The following ECE2 variants were observed in gnomAD, a reference collection of about 807,000 sequenced individuals.
ECE2 encodes endothelin converting enzyme 2, also known as endothelin-converting enzyme 2.
Under a neutral mutation model 100.6 loss-of-function variants are expected in ECE2, and 81 were observed. That is an observed-to-expected ratio of 0.81 (90% CI 0.67 to 0.97). The LOEUF is 0.97. Among genes scored for constraint, ECE2 ranks in the 50% least tolerant of loss-of-function variants. The pLI is 0.00. For missense variants in ECE2, 911 were observed against 988.1 expected (o/e 0.92, Z 1.05); for synonymous variants, 391 against 391.5 (o/e 1.00, Z 0.02).
At position 184,287,894 on chromosome 3, in the gene ECE2, G is replaced by T. The variant is rs1303454225; in HGVS notation, c.1321G>T (p.Ala441Ser). The T allele has an allele frequency of 6.2e-7, 1 of 1,614,214 alleles. No homozygotes were observed. The highest frequency in any genetic ancestry group is 1.7e-5 in the Admixed American group (1 of 60,022). The change falls in exon 11 of 19, where the codon GCT becomes TCT. Residue 441 changes from alanine (A) to serine (S), a missense_variant. By Grantham distance (99) the Ala-to-Ser change is moderately conservative (BLOSUM62 1). Transcript: ENST00000404464. ...ISNTDDALGF[A>S]LGSLFVKATF... Reference sequence around the variant, plus strand: ...CAACACGGATGACGCCCTTGGCTTTGCTTTGGGGTCCCTCTTCGTGAAGGC... The same window carrying T: ...CAACACGGATGACGCCCTTGGCTTTTCTTTGGGGTCCCTCTTCGTGAAGGC...
chr3:184,288,082 G>A (rs377303076), intron 11 of ECE2, 135 bp downstream of exon 11: 9 of 710,736 alleles, frequency 1.3e-5, no homozygotes, highest in Admixed American at 2.4e-5. Flanking sequence ...AGGCCAAGGC[G>A]GGTGAATCAT....
intron 8 of ECE2, among the ~76,000 whole-genome samples, chr3:184,284,226 A>G (rs958792835): frequency 2.6e-5 from 4 of 152,144 alleles, no homozygotes; most frequent in Non-Finnish European, 5.9e-5. Context: ...AATGTGTAAC[A>G]GTTTGTATGA....
rs1435411727 is a variant in ECE2, at chr3:184,289,787, T to C, written c.1551+69T>C. Reference sequence around the variant, plus strand: ...GGGCACTGTTCCCTGGGCTTAGAAATTGGGGCTCAAGCACTGGGAAAGAGG... The same window carrying C: ...GGGCACTGTTCCCTGGGCTTAGAAACTGGGGCTCAAGCACTGGGAAAGAGG... On this transcript the variant is annotated intron_variant, in intron 13 of 18. Coordinates refer to ENST00000404464, the MANE Select transcript of ECE2 (RefSeq NM_001100121.2). The surrounding 1 kb of genome is among the most constrained non-coding windows in gnomAD (Gnocchi z 4.1). The C allele has an allele frequency of 2.1e-6, 3 of 1,400,046 alleles. No individual in the cohort carries two copies. Among genetic ancestry groups the C allele is most frequent in the Non-Finnish European group, 2.9e-6 (3 of 1,028,484 alleles). The allele number at this position is 1,400,046 out of a possible 1,614,324, so 86.7% of individuals were successfully genotyped here.
intron 15 of ECE2, 59 bp from the exon 16 acceptor site, chr3:184,290,734 G>A: frequency 1.2e-6 from 2 of 1,612,582 alleles, no homozygotes; most frequent in East Asian, 4.5e-5. Context: ...GAGCAGGGCT[G>A]GAGGTGGGAT....
chr3:184,281,009 G>T (rs571422893), intron 7 of ECE2, among the ~76,000 whole-genome samples: 2 of 151,804 alleles, frequency 1.3e-5, no homozygotes, highest in African/African-American at 4.8e-5. Flanking sequence ...AAAGGAAAAA[G>T]AAACCTAAAC....
chr3:184,290,234 T>C, intron 13 of ECE2, 21 bp from the exon 14 acceptor site: 6 of 1,595,724 alleles, frequency 3.8e-6, no homozygotes, highest in Non-Finnish European at 5.1e-6. Context: ...GCTCTCTTTC[T>C]ACTTCCCACC....
chr3:184,288,487 G>C (rs1365932110), intron 11 of ECE2, among the ~76,000 whole-genome samples: 5 of 152,062 alleles, frequency 3.3e-5, no homozygotes, highest in South Asian at 4.1e-4. Context: ...TATGATAATG[G>C]ATGTGCTTAA....
At chr3:184,277,135 C>T (rs1011282268) in intron 3 of ECE2, 108 bp downstream of exon 3, 53 of 1,599,136 alleles carry the variant, frequency 3.3e-5, no homozygotes, top group Middle Eastern at 1.6e-4. Context: ...GCAGAAAAGC[C>T]CCCGGCTTTG....
In ECE2 at chr3:184,292,558, G is replaced by A. The variant is rs1047691529; in HGVS notation, c.*320G>A. 4 of 385,118 alleles carry A rather than the reference G, an allele frequency of 1.0e-5. No individual in the cohort carries two copies. Among genetic ancestry groups the A allele is most frequent in the African/African-American group, 8.1e-5 (4 of 49,480 alleles). 23.9% of individuals were successfully genotyped at this position (385,118 alleles called of 1,614,324 possible). On this transcript the variant is annotated 3_prime_UTR_variant, in exon 19 of 19. Transcript: ENST00000404464. ...TTCTGTCCCCAGGCTCACTCAGCCT[G>A]GCGGCCATGGGGCCTGCCGTGCCTG... is the stretch of plus-strand genomic sequence containing the variant.
Position 184,291,521 on chromosome 3 carries a change from C to T in ECE2, c.2121+82C>T, listed in dbSNP as rs776314341. On this transcript the variant is annotated intron_variant, in intron 18 of 18. Transcript: ENST00000404464. This position sits in a 1 kb window ranked among gnomAD's most constrained non-coding sequence, Gnocchi z 4.1. ...ATGTCATTAGGAGAACTCTGGGGCA[C>T]GTGTCAAACGGGCTGGTGAATGGGG... is the stretch of plus-strand genomic sequence containing the variant. 3.0e-5 allele frequency: 39 copies of T among 1,282,410 alleles called. No homozygotes were observed. In the East Asian group the frequency reaches 5.4e-4, roughly 18 times the overall value. 79.4% of individuals were successfully genotyped at this position (1,282,410 alleles called of 1,614,324 possible). A position where few individuals can be genotyped will look rare whatever the true frequency, so the allele number is the denominator to read the frequency against.
intron 3 of ECE2, 35 bp from the exon 4 acceptor site, chr3:184,277,212 TGACA>T: frequency 6.2e-7 from 1 of 1,612,536 alleles, no homozygotes; most frequent in Non-Finnish European, 8.5e-7. Context: ...ACAGACAGAC[TGACA>T]GTCTCCTACC....
rs60370067 is a variant in ECE2 at position 184,280,615 on chromosome 3, G to A, written c.816+2058G>A. Reference sequence around the variant, plus strand: ...TCCAAACACTTTGGGAGGCCAAGGCGACCTGATTACTTGAGGTCAGGAATT... The same window carrying A: ...TCCAAACACTTTGGGAGGCCAAGGCAACCTGATTACTTGAGGTCAGGAATT... On this transcript the variant is annotated intron_variant, in intron 7 of 18. Coordinates refer to ENST00000404464, the MANE Select transcript of ECE2 (RefSeq NM_001100121.2). 2.4e-3 allele frequency among the ~76,000 whole-genome samples: 365 copies of A among 152,170 alleles called. 1 individual carries two copies. Among genetic ancestry groups the A allele is most frequent in the African/African-American group, 8.5e-3 (352 of 41,502 alleles).
At chr3:184,276,344 G>C in intron 1 of ECE2, 137 bp from the exon 2 acceptor site, 1 of 1,374,618 alleles carries the variant, frequency 7.3e-7, no homozygotes, top group Non-Finnish European at 9.9e-7. Context: ...CCCCGGGCCC[G>C]AGAGCAGGGC....
intron 10 of ECE2, 77 bp downstream of exon 10, chr3:184,285,669 T>C (rs1721009622): frequency 1.8e-6 from 2 of 1,109,046 alleles, no homozygotes; most frequent in East Asian, 2.4e-5. Flanking sequence ...ACAGGCACCA[T>C]GTGCCTCATG....
At position 184,277,268 on chromosome 3, in the gene ECE2, T is replaced by A; in HGVS notation, c.280T>A (p.Cys94Ser). The A allele has an allele frequency of 6.2e-7, 1 of 1,614,228 alleles. No homozygotes were observed. Among genetic ancestry groups the A allele is most frequent in the South Asian group, 1.1e-5 (1 of 91,086 alleles). The change falls in exon 4 of 19, where the codon TGC (cysteine) becomes AGC (serine). Residue 94 changes from cysteine to serine, a missense_variant. By Grantham distance (112) the Cys-to-Ser change is moderately radical (BLOSUM62 -1). Transcript: ENST00000404464. Reference sequence around the variant, plus strand: ...TACCACAGACCCATCCCACAGCACCTGCCTTACAGAGGCCTGCATTCGAGT... The same window carrying A: ...TACCACAGACCCATCCCACAGCACCAGCCTTACAGAGGCCTGCATTCGAGT... ...QYHRDPSHST[C>S]LTEACIRVAG... is the part of the protein sequence containing the mutation.
In ECE2 at chr3:184,285,631, C is replaced by G. The variant is rs780162069; in HGVS notation, c.1263+39C>G. The G allele has an allele frequency of 2.1e-6, 3 of 1,398,908 alleles. No homozygotes were observed. In the South Asian group the frequency reaches 3.5e-5, roughly 16 times the overall value. 86.7% of individuals were successfully genotyped at this position (1,398,908 alleles called of 1,614,324 possible). A position where few individuals can be genotyped will look rare whatever the true frequency, so the allele number is the denominator to read the frequency against. ...TTTTGCCTCCACGTTCTGATCCAGT[C>G]TAACCGATGCTGCATACCTTCAGTG... On this transcript the variant is annotated intron_variant, in intron 10 of 18. Coordinates refer to ENST00000404464, the MANE Select transcript of ECE2 (RefSeq NM_001100121.2).
In ECE2 at chr3:184,285,066, T is replaced by C; in HGVS notation, c.1109T>C (p.Leu370Ser). Residue 370 changes from leucine (L) to serine (S), a missense_variant, in exon 9 of 19, where the codon TTG (leucine) becomes TCG (serine). Coordinates refer to ENST00000404464, the MANE Select transcript of ECE2 (RefSeq NM_001100121.2). The part of the protein sequence containing the change: ...EPVVVYGMDY[L>S]QQVSELINRT... ...GTGGTGGTGTATGGGATGGATTATT[T>C]GCAGCAGGTGTCAGAGCTCATCAAC... 6.2e-7 allele frequency: 1 copy of C among 1,614,180 alleles called. No homozygotes were observed. Among genetic ancestry groups the C allele is most frequent in the Non-Finnish European group, 8.5e-7 (1 of 1,180,034 alleles).
intron 7 of ECE2, 21 bp from the exon 8 acceptor site, chr3:184,283,764 G>A (rs1388373321): frequency 1.2e-6 from 2 of 1,610,640 alleles, no homozygotes; most frequent in African/African-American, 1.3e-5. Context: ...TGGGCTCTGA[G>A]GATCACCCGG....
chr3:184,276,200 G>A lies in ECE2; in HGVS notation c.39+8G>A. On this transcript the variant is annotated splice_region_variant and intron_variant, in intron 1 of 18. Transcript: ENST00000404464. ...CTGGGAGCTGGCAGCAACGTGAGTG[G>A]GGGCCCCGGGCTCCACGGGAGGGGA... The A allele has an allele frequency of 1.4e-6, 2 of 1,444,876 alleles. No individual in the cohort carries two copies. The highest frequency in any genetic ancestry group is 1.8e-6 in the Non-Finnish European group (2 of 1,104,814). 89.5% of individuals were successfully genotyped at this position (1,444,876 alleles called of 1,614,324 possible).
Sources: allele counts gnomAD v4.1 joint callset (sites outside exome capture counted in the v4.1 genomes callset), GRCh38; gene constraint gnomAD v4.1.1; non-coding constraint Gnocchi (gnomAD v3.1); transcripts MANE v1.5; gene names NCBI Gene and HGNC (gene_info 2026-07-23, HGNC 2026-07-21).